CENPO: variants seen among roughly 807,000 people sequenced by gnomAD.
CENPO encodes the protein centromere protein O.
Under a neutral mutation model 36.1 loss-of-function variants are expected in CENPO, and 30 were observed. The ratio of observed to expected loss-of-function variants is 0.83; its 90% CI spans 0.62 to 1.13. The LOEUF is 1.13. Ranked by LOEUF, CENPO falls within the 50% of genes most tolerant of loss-of-function variation. The pLI, the probability that CENPO is intolerant of heterozygous loss-of-function variation, is 0.00. For synonymous variants in CENPO, 171 were observed against 142.3 expected, an observed-to-expected ratio of 1.20 and a Z score of -1.44; for missense variants, 349 against 357.8, an observed-to-expected ratio of 0.98 and a Z score of 0.20.
intron 3 of CENPO, among the ~76,000 whole-genome samples, chr2:24,803,795 T>C (rs1360685180): frequency 6.6e-6 from 1 of 152,136 alleles, no homozygotes. Context: ...CTGAAAAAAA[T>C]GTATATTCTG....
At chr2:24,796,481 A>G (rs747824778) in intron 2 of CENPO, among the ~76,000 whole-genome samples, 1 of 152,058 alleles carries the variant, frequency 6.6e-6, no homozygotes, top group Non-Finnish European at 1.5e-5. Flanking sequence ...AGTGGAAAAG[A>G]TAAGCAAATC....
Position 24,821,004 on chromosome 2 carries a change from C to G in CENPO, c.*1686C>G. 1 of 1,060,838 alleles carries G rather than the reference C, an allele frequency of 9.4e-7. No homozygotes were observed. 65.7% of individuals were successfully genotyped at this position (1,060,838 alleles called of 1,614,324 possible). A position where few individuals can be genotyped will look rare whatever the true frequency, so the allele number is the denominator to read the frequency against. On this transcript the variant is annotated 3_prime_UTR_variant, in exon 8 of 8. Transcript: ENST00000380834. The stretch of plus-strand genomic sequence containing the variant: ...CTGTATGCTATTGGAGGGTGGAAAT[C>G]ACATCTCCTGTTTATCCGTGTGCTT...
chr2:24,812,799 A>G (rs1012407405), intron 3 of CENPO, among the ~76,000 whole-genome samples: 3 of 150,980 alleles, frequency 2.0e-5, no homozygotes, highest in African/African-American at 7.3e-5. Context: ...TTTAATGGCC[A>G]TGCCCCATTA....
intron 3 of CENPO, among the ~76,000 whole-genome samples, chr2:24,803,079 T>G (rs1410370658): frequency 3.3e-5 from 5 of 152,286 alleles, no homozygotes; most frequent in African/African-American, 1.2e-4. Flanking sequence ...GTCCAGGAAT[T>G]TATCCATTTC....
At chr2:24,818,647 TA>T (rs1355254138) in intron 7 of CENPO, among the ~76,000 whole-genome samples, 1 of 7,124 alleles carries the variant, frequency 1.4e-4, no homozygotes, top group Non-Finnish European at 1.3e-3. Flanking sequence ...AAAGCACAGT[TA>T]GTTAGTTAGA....
chr2:24,812,704 T>C (rs1666751313), intron 3 of CENPO, among the ~76,000 whole-genome samples: 2 of 152,122 alleles, frequency 1.3e-5, no homozygotes, highest in African/African-American at 2.4e-5. Flanking sequence ...TGAGTTACTG[T>C]ATTTTTTTGG....
chr2:24,799,573 T>TA lies in CENPO; in HGVS notation c.47-89dup, dbSNP rs34475213. Reference sequence around the variant, plus strand: ...AATTCAGCTGGCCACAAAGTTCTGGTAAAAAAAAAAAAAGAGTCACCTGTT... The same window carrying TA: ...AATTCAGCTGGCCACAAAGTTCTGGTAAAAAAAAAAAAAAGAGTCACCTGTT... On this transcript the variant is annotated intron_variant, in intron 2 of 7. Coordinates refer to ENST00000380834, the MANE Select transcript of CENPO (RefSeq NM_001322101.2). 4.8e-3 allele frequency: 3,495 copies of TA among 726,468 alleles called. 1 individual carries two copies. Among genetic ancestry groups the TA allele is most frequent in the Middle Eastern group, 6.0e-3 (13 of 2,162 alleles). The allele number at this position is 726,468 out of a possible 1,614,324, so 45.0% of individuals were successfully genotyped here. A position where few individuals can be genotyped will look rare whatever the true frequency, so the allele number is the denominator to read the frequency against.
intron 3 of CENPO, among the ~76,000 whole-genome samples, chr2:24,800,273 C>T (rs1475801813): frequency 2.0e-5 from 3 of 152,184 alleles, no homozygotes; most frequent in East Asian, 1.9e-4. Context: ...AGTGAGACTC[C>T]GTCTCAAAAA....
Position 24,820,466 on chromosome 2 carries a change from A to G in CENPO, c.*1148A>G, listed in dbSNP as rs963098562. On this transcript the variant is annotated 3_prime_UTR_variant, in exon 8 of 8. Coordinates refer to ENST00000380834, the MANE Select transcript of CENPO (RefSeq NM_001322101.2). ...GCCAGACGCCACTGAGACAGATCAC[A>G]AGGTATTAGAAGGTTCATACCCAAA... The G allele has an allele frequency of 1.3e-5, 18 of 1,344,168 alleles. No individual in the cohort carries two copies. The highest frequency in any genetic ancestry group is 1.7e-5 in the Non-Finnish European group (18 of 1,050,448). 83.3% of individuals were successfully genotyped at this position (1,344,168 alleles called of 1,614,324 possible).
Position 24,820,240 on chromosome 2 carries a change from C to T in CENPO, c.*922C>T. On this transcript the variant is annotated 3_prime_UTR_variant, in exon 8 of 8. Coordinates refer to ENST00000380834, the MANE Select transcript of CENPO (RefSeq NM_001322101.2). ...GTCCCAAGCAGTACGGGACACTCCCCAAACCTCCCAGGGCCAAGCCCTTCC... is the reference window on the plus strand; with the variant it reads ...GTCCCAAGCAGTACGGGACACTCCCTAAACCTCCCAGGGCCAAGCCCTTCC... 8.3e-7 allele frequency: 1 copy of T among 1,207,244 alleles called. No homozygotes were observed. The highest frequency in any genetic ancestry group is 1.1e-6 in the Non-Finnish European group (1 of 909,310). The allele number at this position is 1,207,244 out of a possible 1,614,324, so 74.8% of individuals were successfully genotyped here.
At chr2:24,797,247 G>T (rs1042358050) in intron 2 of CENPO, among the ~76,000 whole-genome samples, 1 of 152,150 alleles carries the variant, frequency 6.6e-6, no homozygotes, top group African/African-American at 2.4e-5. Flanking sequence ...GAAAGTACTG[G>T]TTTACACAGC....
chr2:24,810,639 C>T (rs1169650481), intron 3 of CENPO, among the ~76,000 whole-genome samples: 1 of 151,162 alleles, frequency 6.6e-6, no homozygotes, highest in Non-Finnish European at 1.5e-5. Flanking sequence ...TCCCAAGTAG[C>T]TGGGACTAGA....
Position 24,820,875 on chromosome 2 carries a change from C to A in CENPO, c.*1557C>A. The A allele has an allele frequency of 6.2e-7, 1 of 1,611,734 alleles. No homozygotes were observed. Among genetic ancestry groups the A allele is most frequent in the Non-Finnish European group, 8.5e-7 (1 of 1,178,556 alleles). Reference sequence around the variant, plus strand: ...TAGGGTAGAGGCATAAAGTTCAGCACAGCCACAGGCCACACCTTGTTATGG... The same window carrying A: ...TAGGGTAGAGGCATAAAGTTCAGCAAAGCCACAGGCCACACCTTGTTATGG... On this transcript the variant is annotated 3_prime_UTR_variant, in exon 8 of 8. Transcript: ENST00000380834.
intron 3 of CENPO, among the ~76,000 whole-genome samples, chr2:24,811,348 C>T (rs1666677555): frequency 7.0e-6 from 1 of 142,672 alleles, no homozygotes; most frequent in African/African-American, 2.6e-5. Context: ...GTGGCACTAT[C>T]TCAGCTCACT....
chr2:24,800,569 A>G (rs961885136), intron 3 of CENPO, among the ~76,000 whole-genome samples: 2 of 147,358 alleles, frequency 1.4e-5, no homozygotes, highest in African/African-American at 5.0e-5. Flanking sequence ...GAGTGAGAAC[A>G]TGCGGTGTTT....
At chr2:24,817,879 G>A (rs189628687) in intron 7 of CENPO, 38 bp downstream of exon 7, 18 of 1,560,076 alleles carry the variant, frequency 1.2e-5, no homozygotes, top group East Asian at 9.0e-5. Context: ...CAGGTGGGTA[G>A]TACTGTCTGA....
chr2:24,820,140 G>A lies in CENPO; in HGVS notation c.*822G>A, dbSNP rs777713169. 2.6e-6 allele frequency: 4 copies of A among 1,520,078 alleles called. No individual in the cohort carries two copies. The highest frequency in any genetic ancestry group is 2.3e-5 in the East Asian group (1 of 42,984). 94.2% of individuals were successfully genotyped at this position (1,520,078 alleles called of 1,614,324 possible). On this transcript the variant is annotated 3_prime_UTR_variant, in exon 8 of 8. Coordinates refer to ENST00000380834, the MANE Select transcript of CENPO (RefSeq NM_001322101.2). Reference sequence around the variant, plus strand: ...CTGGAGAGGGAGGGGGAGCAAGAACGTGGCGTTACGGGGGGAGCCTAGACT... The same window carrying A: ...CTGGAGAGGGAGGGGGAGCAAGAACATGGCGTTACGGGGGGAGCCTAGACT...
chr2:24,820,527 T>C lies in CENPO; in HGVS notation c.*1209T>C. 7.1e-7 allele frequency: 1 copy of C among 1,404,192 alleles called. No homozygotes were observed. 87.0% of individuals were successfully genotyped at this position (1,404,192 alleles called of 1,614,324 possible). On this transcript the variant is annotated 3_prime_UTR_variant, in exon 8 of 8. Transcript: ENST00000380834. ...ATGCATCTAGAACTTCAGCCCAGAT[T>C]TTGTGGATGGGTGGAAGTGTTTCTT...
Position 24,814,451 on chromosome 2 carries a change from T to C in CENPO, c.292T>C (p.Leu98=), listed in dbSNP as rs201887673. The C allele has an allele frequency of 6.0e-5, 96 of 1,604,868 alleles. 1 individual carries two copies. The highest frequency in any genetic ancestry group is 5.0e-5 in the Admixed American group (3 of 59,996). Reference sequence around the variant, plus strand: ...TGAGCAAGAAGCATTGGAAGAGAAATTGGAAAATGTGAAAGCCATTCTGCA... The same window carrying C: ...TGAGCAAGAAGCATTGGAAGAGAAACTGGAAAATGTGAAAGCCATTCTGCA... ...INEQEALEEK[L]ENVKAILQAY... is the part of the protein sequence containing the mutation. Residue 98 remains leucine, a synonymous_variant, in exon 4 of 8, where the codon TTG becomes CTG. Coordinates refer to ENST00000380834, the MANE Select transcript of CENPO (RefSeq NM_001322101.2).
Sources: allele counts gnomAD v4.1 joint callset (sites outside exome capture counted in the v4.1 genomes callset), GRCh38; gene constraint gnomAD v4.1.1; transcripts MANE v1.5; gene names NCBI Gene and HGNC (gene_info 2026-07-23, HGNC 2026-07-21).